FRMD3: variants seen among roughly 807,000 people sequenced by gnomAD.
The protein encoded by FRMD3 is FERM domain containing 3, also known as FERM domain-containing protein 3.
FRMD3 carries 33 observed loss-of-function variants against 70.2 expected under a neutral mutation model. That is an observed-to-expected ratio of 0.47 (90% CI 0.36 to 0.63). FRMD3 has a LOEUF of 0.63. Ranked by LOEUF, FRMD3 falls within the 20% of genes least tolerant of loss-of-function variation. The pLI, the probability that FRMD3 is intolerant of heterozygous loss-of-function variation, is 0.00. For synonymous variants in FRMD3, 279 were observed against 255.9 expected (o/e 1.09, Z -0.86); for missense variants, 632 against 711.4 (o/e 0.89, Z 1.27).
At chr9:83,256,942 C>G (rs1832735275) in intron 13 of FRMD3, among the ~76,000 whole-genome samples, 1 of 152,136 alleles carries the variant, frequency 6.6e-6, no homozygotes, top group African/African-American at 2.4e-5. Flanking sequence ...ATTGGTTCAA[C>G]TATTGTGGAA....
chr9:83,532,994 C>G (rs1024476761), intron 1 of FRMD3, among the ~76,000 whole-genome samples: 1 of 152,170 alleles, frequency 6.6e-6, no homozygotes, highest in Non-Finnish European at 1.5e-5. Flanking sequence ...TGAGTCCAGG[C>G]AGAGCTTTGG....
intron 1 of FRMD3, among the ~76,000 whole-genome samples, chr9:83,443,664 G>A (rs533217242): frequency 3.9e-5 from 6 of 152,272 alleles, no homozygotes; most frequent in South Asian, 2.1e-4. Flanking sequence ...CCAGTAATGG[G>A]ATCGCTGGGT....
At chr9:83,316,605 A>C (rs1250688374) in intron 6 of FRMD3, among the ~76,000 whole-genome samples, 1 of 152,202 alleles carries the variant, frequency 6.6e-6, no homozygotes, top group Non-Finnish European at 1.5e-5. Flanking sequence ...TTTCACTGTG[A>C]TATATGTATA....
chr9:83,578,914 A>G, the FRMD3 span, among the ~76,000 whole-genome samples: 26 of 152,050 alleles, frequency 1.7e-4, no homozygotes, highest in Non-Finnish European at 3.4e-4. Context: ...ATATATATAG[A>G]AAATCCCAAA....
At chr9:83,502,347 G>A (rs969094326) in intron 1 of FRMD3, among the ~76,000 whole-genome samples, 9 of 152,220 alleles carry the variant, frequency 5.9e-5, no homozygotes, top group African/African-American at 2.2e-4. Flanking sequence ...TAGAGGTGAC[G>A]TGCCAGGTGC....
chr9:83,484,433 T>C (rs1403170444), intron 1 of FRMD3, among the ~76,000 whole-genome samples: 1 of 152,180 alleles, frequency 6.6e-6, no homozygotes, highest in African/African-American at 2.4e-5. Context: ...TCTTTTTGTG[T>C]GTGTGGCAGG....
intron 1 of FRMD3, among the ~76,000 whole-genome samples, chr9:83,509,774 C>T (rs559843771): frequency 1.0e-4 from 15 of 150,084 alleles, no homozygotes; most frequent in African/African-American, 2.2e-4. Flanking sequence ...AATTAAAATA[C>T]GCACACGCGC....
chr9:83,543,402 C>G (rs1358042002), upstream of FRMD3, among the ~76,000 whole-genome samples: 1 of 152,108 alleles, frequency 6.6e-6, no homozygotes, highest in African/African-American at 2.4e-5. Context: ...CCTCTGCCCT[C>G]ACAAGCTTAT....
rs1832082131 is a variant in FRMD3, at chr9:83,246,130, A to C, written c.*1788T>G. ...ACTCAGAGCTCCACTGAGTGAGTGG[A>C]AATGTATTGCCCAATTTAGAAATCA... On this transcript the variant is annotated 3_prime_UTR_variant, in exon 14 of 14. Transcript: ENST00000304195. The C allele has an allele frequency of 1.0e-6, 1 of 985,114 alleles. No individual in the cohort carries two copies. Among genetic ancestry groups the C allele is most frequent in the African/African-American group, 1.7e-5 (1 of 57,242 alleles). 61.0% of individuals were successfully genotyped at this position (985,114 alleles called of 1,614,324 possible).
intron 3 of FRMD3, among the ~76,000 whole-genome samples, chr9:83,353,197 A>C (rs1824220430): frequency 7.0e-6 from 1 of 142,892 alleles, no homozygotes; most frequent in Admixed American, 7.3e-5. Context: ...GTTCTGTCAC[A>C]GTGATCCAGG....
intron 2 of FRMD3, 92 bp from the exon 3 acceptor site, chr9:83,373,047 A>G: frequency 3.8e-6 from 4 of 1,054,322 alleles, no homozygotes; most frequent in South Asian, 2.6e-5. Flanking sequence ...TCCAAAGTAC[A>G]GCCTCGGTTT....
At chr9:83,370,781 G>A (rs183775557) in intron 3 of FRMD3, among the ~76,000 whole-genome samples, 1 of 152,256 alleles carries the variant, frequency 6.6e-6, no homozygotes, top group East Asian at 1.9e-4. Context: ...GCACGGTAGT[G>A]CACGCCCGTA....
At chr9:83,309,023 G>A (rs1417569105) in intron 10 of FRMD3, among the ~76,000 whole-genome samples, 3 of 152,098 alleles carry the variant, frequency 2.0e-5, no homozygotes, top group Non-Finnish European at 4.4e-5. Context: ...ATGTCCCAGA[G>A]TTCCTAAGAA....
At chr9:83,547,444 C>A in the FRMD3 span, among the ~76,000 whole-genome samples, 4 of 151,468 alleles carry the variant, frequency 2.6e-5, no homozygotes, top group Admixed American at 1.3e-4. Flanking sequence ...CTGTTTGTCC[C>A]TATCATTATA....
At chr9:83,572,189 G>T in the FRMD3 span, among the ~76,000 whole-genome samples, 4 of 152,080 alleles carry the variant, frequency 2.6e-5, no homozygotes, top group Admixed American at 2.6e-4. Context: ...GCATGTGTGT[G>T]TGTGTAGGCA....
chr9:83,342,049 C>CTT (rs1823776003), intron 5 of FRMD3, among the ~76,000 whole-genome samples: 1 of 150,858 alleles, frequency 6.6e-6, no homozygotes, highest in Non-Finnish European at 1.5e-5. Context: ...AGTCATCTCT[C>CTT]TCTCTCTCTC....
chr9:83,287,599 A>T (rs1286500204), intron 13 of FRMD3, among the ~76,000 whole-genome samples: 1 of 151,996 alleles, frequency 6.6e-6, no homozygotes, highest in Non-Finnish European at 1.5e-5. Context: ...CACCTTCACC[A>T]TCCCCCAGAA....
intron 13 of FRMD3, among the ~76,000 whole-genome samples, chr9:83,266,629 C>G (rs1051206685): frequency 2.6e-5 from 4 of 152,148 alleles, no homozygotes; most frequent in Non-Finnish European, 5.9e-5. Context: ...AGCTCTGACC[C>G]TTTCAACAAT....
the FRMD3 span, among the ~76,000 whole-genome samples, chr9:83,575,350 G>C: frequency 1.3e-5 from 2 of 152,102 alleles, no homozygotes; most frequent in Non-Finnish European, 2.9e-5. Context: ...GATACCTCTT[G>C]CTGCAGAATG....
Sources: allele counts gnomAD v4.1 joint callset (sites outside exome capture counted in the v4.1 genomes callset), GRCh38; gene constraint gnomAD v4.1.1; transcripts MANE v1.5; gene names NCBI Gene and HGNC (gene_info 2026-07-23, HGNC 2026-07-21).